KLHL22: variants seen among roughly 807,000 people sequenced by gnomAD.
KLHL22 encodes the protein kelch like family member 22, also known as kelch-like protein 22.
Under a neutral mutation model 60.7 loss-of-function variants are expected in KLHL22, and 18 were observed. That is an observed-to-expected ratio of 0.30 (90% CI 0.20 to 0.44). KLHL22 has a LOEUF of 0.44. Among genes scored for constraint, KLHL22 ranks in the 20% least tolerant of loss-of-function variants. KLHL22 has a pLI of 1.00. For missense variants in KLHL22, 596 were observed against 852.3 expected, an observed-to-expected ratio of 0.70 and a Z score of 3.74; for synonymous variants, 355 against 354.5, an observed-to-expected ratio of 1.00 and a Z score of -0.01.
chr22:20,471,273 G>GTAGAT, intron 3 of KLHL22, 77 bp downstream of exon 3: 1 of 1,404,472 alleles, frequency 7.1e-7, no homozygotes, highest in South Asian at 1.3e-5. Flanking sequence ...CAATGCTAGT[G>GTAGAT]CCCGGCAGGC....
chr22:20,453,461 T>G (rs763519362), intron 5 of KLHL22, among the ~76,000 whole-genome samples: 1 of 152,214 alleles, frequency 6.6e-6, no homozygotes, highest in Non-Finnish European at 1.5e-5. Flanking sequence ...GTAACATGAC[T>G]GGGCATATTT....
intron 4 of KLHL22, among the ~76,000 whole-genome samples, chr22:20,458,445 ATTTT>A (rs938534970): frequency 2.3e-4 from 21 of 90,450 alleles, no homozygotes; most frequent in Non-Finnish European, 4.1e-4. Context: ...AACGCCCGCT[ATTTT>A]TTTTTTTTTT....
At position 20,442,395 on chromosome 22, in the gene KLHL22, C is replaced by G. The variant is rs1354754202; in HGVS notation, c.1583G>C (p.Cys528Ser). ...CTCACCGTGCCCAGCAGGGAGTGGG[C>G]AGACAGATGACCACTGTCCAGACGT... The part of the protein sequence containing the change: ...SCTSGQWSSV[C>S]PLPAGHGEPG... The change falls in exon 7 of 7, where the codon TGC becomes TCC. Residue 528 changes from cysteine to serine, a missense_variant. Cys to Ser is a moderately radical substitution (Grantham distance 112, BLOSUM62 -1). Coordinates refer to ENST00000328879, the MANE Select transcript of KLHL22 (RefSeq NM_032775.4). The G allele has an allele frequency of 1.9e-6, 3 of 1,611,990 alleles. No individual in the cohort carries two copies. The Middle Eastern group carries it at 5.0e-4, about 267-fold the overall frequency.
intron 2 of KLHL22, chr22:20,488,642 A>G (rs1336681066): frequency 3.8e-6 from 1 of 264,864 alleles, no homozygotes; most frequent in African/African-American, 3.1e-5. Flanking sequence ...AAGGTGATGC[A>G]TACACAGCAA....
At chr22:20,461,604 C>T (rs1377373778) in intron 4 of KLHL22, among the ~76,000 whole-genome samples, 1 of 150,584 alleles carries the variant, frequency 6.6e-6, no homozygotes, top group Non-Finnish European at 1.5e-5. Context: ...TTCTATATTT[C>T]CATGACTTAA....
Position 20,442,316 on chromosome 22 carries a change from G to T in KLHL22, c.1662C>A (p.His554Gln). ...CGTAGCCTGTGCGGCTGCCGCGGTTGTGTGAGCGGCCACCTAACACATAGA... is the reference window on the plus strand; with the variant it reads ...CGTAGCCTGTGCGGCTGCCGCGGTTTTGTGAGCGGCCACCTAACACATAGA... Reference protein sequence around the residue: ...NRIYVLGGRSHNRGSRTGYVH... With the variant: ...NRIYVLGGRSQNRGSRTGYVH... The change falls in exon 7 of 7, where the codon CAC becomes CAA. Residue 554 changes from histidine (H) to glutamine (Q), a missense_variant. Physicochemically the swap from His to Gln is conservative, Grantham distance 24. Transcript: ENST00000328879. 1 of 1,613,994 alleles carries T rather than the reference G, an allele frequency of 6.2e-7. No individual in the cohort carries two copies. The highest frequency in any genetic ancestry group is 8.5e-7 in the Non-Finnish European group (1 of 1,180,028).
rs531886842 is a variant in KLHL22 at position 20,447,606 on chromosome 22, G to A, written c.1306-930C>T. Among the ~76,000 whole-genome samples the A allele has an allele frequency of 2.0e-5, 3 of 148,046 alleles. No homozygotes were observed. In the South Asian group the frequency reaches 6.5e-4, roughly 32 times the overall value. The stretch of plus-strand genomic sequence containing the variant: ...TCACCAGGCCGGAGTGCAGTGGCAC[G>A]ATCTCGGCTCACTGCAATCTCCGCC... On this transcript the variant is annotated intron_variant, in intron 5 of 6. Transcript: ENST00000328879.
At position 20,465,001 on chromosome 22, in the gene KLHL22, G is replaced by T; in HGVS notation, c.969C>A (p.Pro323=). The change falls in exon 4 of 7, where the codon CCC becomes CCA. Residue 323 remains proline (P), a synonymous_variant. Transcript: ENST00000328879. The surrounding 1 kb of genome is among the most constrained non-coding windows in gnomAD (Gnocchi z 4.9). ...VLSDQAKYLN[P]LLGEWKHFTA... ...TGAAGTGCTTCCACTCTCCCAGTAA[G>T]GGGTTTAGATACTTGGCCTGGTCGC... is the stretch of plus-strand genomic sequence containing the variant. The T allele has an allele frequency of 6.2e-7, 1 of 1,612,200 alleles. No homozygotes were observed. Among genetic ancestry groups the T allele is most frequent in the Non-Finnish European group, 8.5e-7 (1 of 1,179,058 alleles).
In KLHL22 at chr22:20,486,573, T is replaced by TA. The variant is rs2053590160; in HGVS notation, c.227+2411dup. ...TCAAATATTACAAGCCTCTCACACATATTTACCAGTCATACTGGGAAAAAA... is the reference window on the plus strand; with the variant it reads ...TCAAATATTACAAGCCTCTCACACATAATTTACCAGTCATACTGGGAAAAAA... On this transcript the variant is annotated intron_variant, in intron 2 of 6. Coordinates refer to ENST00000328879, the MANE Select transcript of KLHL22 (RefSeq NM_032775.4). Among the ~76,000 whole-genome samples, 3 of 152,162 alleles carry TA rather than the reference T, an allele frequency of 2.0e-5. No individual in the cohort carries two copies. In the South Asian group the frequency reaches 6.2e-4, roughly 32 times the overall value.
rs138038180 is a variant in KLHL22 at position 20,464,903 on chromosome 22, C to G, written c.1067G>C (p.Gly356Ala). 1.3e-6 allele frequency: 2 copies of G among 1,561,946 alleles called. No individual in the cohort carries two copies. The highest frequency in any genetic ancestry group is 1.7e-6 in the Non-Finnish European group (2 of 1,154,744). Residue 356 changes from glycine (G) to alanine (A), a missense_variant, in exon 4 of 7, where the codon GGG becomes GCG. By Grantham distance (60) the Gly-to-Ala change is moderately conservative (BLOSUM62 0). Transcript: ENST00000328879. ...VLNNFVYLIG[G>A]DNNVQGFRAE... ...TCGAAATCCTTGGACATTGTTGTCC[C>G]CTCCAATCAAGTATACGAAGTTGTT... is the stretch of plus-strand genomic sequence containing the variant.
chr22:20,487,140 G>A (rs572683785), intron 2 of KLHL22, among the ~76,000 whole-genome samples: 29 of 151,446 alleles, frequency 1.9e-4, no homozygotes, highest in African/African-American at 5.3e-4. Flanking sequence ...GGCTGGTCTC[G>A]AACTACTAAT....
At chr22:20,484,557 T>C (rs2053556191) in intron 2 of KLHL22, among the ~76,000 whole-genome samples, 1 of 152,012 alleles carries the variant, frequency 6.6e-6, no homozygotes, top group African/African-American at 2.4e-5. Context: ...GGGCACCCAT[T>C]GTGCTGGGAT....
chr22:20,489,710 T>C (rs958118129), intron 1 of KLHL22: 10 of 471,208 alleles, frequency 2.1e-5, no homozygotes, highest in East Asian at 2.1e-4. Flanking sequence ...CTCCCTCCCA[T>C]TGAATGAACA....
chr22:20,492,318 C>T (rs1261007964), intron 1 of KLHL22, among the ~76,000 whole-genome samples: 1 of 152,158 alleles, frequency 6.6e-6, no homozygotes, highest in African/African-American at 2.4e-5. Context: ...CCAGGGCCAC[C>T]ACTCTGGGTC....
At chr22:20,479,103 T>C (rs2053458888) in intron 2 of KLHL22, among the ~76,000 whole-genome samples, 1 of 151,298 alleles carries the variant, frequency 6.6e-6, no homozygotes, top group Non-Finnish European at 1.5e-5. Flanking sequence ...CACTCCAGCC[T>C]GGGCGACAGA....
chr22:20,441,688 AG>A lies in KLHL22; in HGVS notation c.*384del, dbSNP rs1303294106. 1 of 201,704 alleles carries A rather than the reference AG, an allele frequency of 5.0e-6. No homozygotes were observed. The highest frequency in any genetic ancestry group is 2.3e-5 in the African/African-American group (1 of 42,810). 12.5% of individuals were successfully genotyped at this position (201,704 alleles called of 1,614,324 possible). A position where few individuals can be genotyped will look rare whatever the true frequency, so the allele number is the denominator to read the frequency against. ...ATCCTCCAACCCCAGCTGCCCCCAC[AG>A]CCCCACCCCATTCACAGAAAGAGGG... is the stretch of plus-strand genomic sequence containing the variant. On this transcript the variant is annotated 3_prime_UTR_variant, in exon 7 of 7. Transcript: ENST00000328879.
chr22:20,452,148 T>C (rs2052989807), intron 5 of KLHL22, among the ~76,000 whole-genome samples: 2 of 151,888 alleles, frequency 1.3e-5, no homozygotes, highest in South Asian at 2.1e-4. Flanking sequence ...ATGTATGTTG[T>C]GCCTCATATG....
chr22:20,489,253 T>C lies in KLHL22; in HGVS notation c.-33-9A>G. ...TCCCTTACAACTGTGGCCTGACAGT[T>C]GGCAAAACAGGGGACAGGGGTGAGC... On this transcript the variant is annotated splice_polypyrimidine_tract_variant and intron_variant, in intron 1 of 6. Transcript: ENST00000328879. The C allele has an allele frequency of 6.2e-7, 1 of 1,606,610 alleles. No homozygotes were observed. Among genetic ancestry groups the C allele is most frequent in the Non-Finnish European group, 8.5e-7 (1 of 1,174,746 alleles).
intron 5 of KLHL22, chr22:20,450,433 C>T (rs2052958707): frequency 1.3e-6 from 2 of 1,553,224 alleles, no homozygotes; most frequent in Admixed American, 3.3e-5. Flanking sequence ...TGTACAGGAA[C>T]TGCTTCCTGC....
Sources: gnomAD v4.1 joint callset for allele counts (sites outside exome capture counted in the v4.1 genomes callset) on GRCh38, gnomAD v4.1.1 for gene constraint, Gnocchi (gnomAD v3.1) non-coding constraint, MANE v1.5 for transcripts, NCBI Gene and HGNC (gene_info 2026-07-23, HGNC 2026-07-21) for gene names.